The following NKAIN2 variants were observed in gnomAD, a reference collection of about 807,000 sequenced individuals.
NKAIN2 encodes sodium/potassium-transporting ATPase subunit beta-1-interacting protein 2.
In NKAIN2, 14 loss-of-function variants were observed where a neutral mutation model predicts 32.6. That is an observed-to-expected ratio of 0.43 (90% CI 0.28 to 0.67). The LOEUF (loss-of-function observed/expected upper bound fraction) is 0.67. Ranked by LOEUF, NKAIN2 falls within the 30% of genes least tolerant of loss-of-function variation. NKAIN2 has a pLI of 0.17. For synonymous variants in NKAIN2, 80 were observed against 87.2 expected, an observed-to-expected ratio of 0.92 and a Z score of 0.46; for missense variants, 198 against 258.3, an observed-to-expected ratio of 0.77 and a Z score of 1.60.
intron 1 of NKAIN2, among the ~76,000 whole-genome samples, chr6:123,845,505 T>C (rs192317520): frequency 6.6e-6 from 1 of 152,360 alleles, no homozygotes; most frequent in Non-Finnish European, 1.5e-5. Context: ...TTTGGGTTTC[T>C]CTTCACCTTT....
intron 4 of NKAIN2, among the ~76,000 whole-genome samples, chr6:124,701,024 T>C (rs976493970): frequency 2.6e-5 from 4 of 151,840 alleles, no homozygotes; most frequent in Non-Finnish European, 5.9e-5. Context: ...GGAGACTAAG[T>C]TCTGTAACAC....
At chr6:123,923,682 A>G (rs942446048) in intron 1 of NKAIN2, among the ~76,000 whole-genome samples, 1 of 150,954 alleles carries the variant, frequency 6.6e-6, no homozygotes, top group East Asian at 2.0e-4. Flanking sequence ...TCAGTAAACT[A>G]TCGCAAGAAC....
chr6:124,100,820 A>G (rs983996552), intron 1 of NKAIN2, among the ~76,000 whole-genome samples: 5 of 152,190 alleles, frequency 3.3e-5, no homozygotes, highest in African/African-American at 1.2e-4. Context: ...ATTATCTGGC[A>G]TATTAATAGC....
intron 4 of NKAIN2, among the ~76,000 whole-genome samples, chr6:124,734,110 A>G (rs747507490): frequency 2.7e-5 from 4 of 149,434 alleles, no homozygotes; most frequent in Non-Finnish European, 4.5e-5. Flanking sequence ...GGGGTATGTC[A>G]AAACAAAAAC....
intron 3 of NKAIN2, among the ~76,000 whole-genome samples, chr6:124,549,772 T>A: frequency 6.6e-6 from 1 of 152,298 alleles, no homozygotes; most frequent in Non-Finnish European, 1.5e-5. Flanking sequence ...TTTTCATGGC[T>A]AGACAGAGGG....
intron 4 of NKAIN2, among the ~76,000 whole-genome samples, chr6:124,759,642 CA>C (rs1562367734): frequency 8.7e-4 from 109 of 125,690 alleles, no homozygotes; most frequent in African/African-American, 2.5e-3. Flanking sequence ...CACACACACA[CA>C]CACACACACA....
At chr6:124,434,399 T>C (rs1775349369) in intron 3 of NKAIN2, among the ~76,000 whole-genome samples, 1 of 152,092 alleles carries the variant, frequency 6.6e-6, no homozygotes, top group African/African-American at 2.4e-5. Context: ...GTGGGAAGTT[T>C]AGTATTTAGT....
At chr6:124,806,702 T>C (rs1780581245) in intron 5 of NKAIN2, among the ~76,000 whole-genome samples, 1 of 151,960 alleles carries the variant, frequency 6.6e-6, no homozygotes, top group Non-Finnish European at 1.5e-5. Flanking sequence ...GCAAATTGGA[T>C]AAAGAGTCAA....
At chr6:124,809,139 G>C (rs1270118797) in intron 5 of NKAIN2, among the ~76,000 whole-genome samples, 1 of 151,992 alleles carries the variant, frequency 6.6e-6, no homozygotes, top group Non-Finnish European at 1.5e-5. Context: ...ATACTTTAAA[G>C]TTCACATGGA....
At chr6:124,802,290 A>T (rs1322850820) in intron 5 of NKAIN2, among the ~76,000 whole-genome samples, 1 of 152,186 alleles carries the variant, frequency 6.6e-6, no homozygotes, top group Non-Finnish European at 1.5e-5. Flanking sequence ...TATATTCTGG[A>T]TGTCAGCTGA....
At chr6:124,104,325 T>C (rs1785020370) in intron 1 of NKAIN2, among the ~76,000 whole-genome samples, 1 of 152,188 alleles carries the variant, frequency 6.6e-6, no homozygotes, top group African/African-American at 2.4e-5. Flanking sequence ...TTTATGTTTT[T>C]ACAGAAGAGG....
At chr6:124,478,858 G>A (rs1777336475) in intron 3 of NKAIN2, among the ~76,000 whole-genome samples, 1 of 152,018 alleles carries the variant, frequency 6.6e-6, no homozygotes, top group East Asian at 1.9e-4. Flanking sequence ...TGGAAGTGAG[G>A]GTGAAAGAGT....
chr6:124,626,723 C>A (rs1783364101), intron 3 of NKAIN2, among the ~76,000 whole-genome samples: 1 of 152,062 alleles, frequency 6.6e-6, no homozygotes, highest in African/African-American at 2.4e-5. Flanking sequence ...ATATTCAGGG[C>A]CACCACATAC....
chr6:124,045,429 A>G (rs1247458377), intron 1 of NKAIN2, among the ~76,000 whole-genome samples: 1 of 152,020 alleles, frequency 6.6e-6, no homozygotes, highest in Non-Finnish European at 1.5e-5. Flanking sequence ...ATAGAAAGAG[A>G]TAAGAACTGG....
At chr6:124,419,681 T>C (rs552495910) in intron 3 of NKAIN2, among the ~76,000 whole-genome samples, 5 of 152,140 alleles carry the variant, frequency 3.3e-5, no homozygotes, top group Non-Finnish European at 4.4e-5. Flanking sequence ...AGACATAAGA[T>C]AATATTTTAT....
intron 1 of NKAIN2, among the ~76,000 whole-genome samples, chr6:124,260,185 A>G (rs1373877170): frequency 2.0e-5 from 3 of 152,202 alleles, no homozygotes; most frequent in African/African-American, 7.2e-5. Flanking sequence ...ATAAAATGTC[A>G]AGAACCATTC....
rs866852519 is a variant in NKAIN2 at position 124,804,968 on chromosome 6, C to A, written c.536-13419C>A. ...GGGCGCCCGCCATTGCCCAGGCTTG[C>A]TTAGGTAAACAAAGCAGCCGGGAAG... On this transcript the variant is annotated intron_variant, in intron 5 of 6. Transcript: ENST00000368417. 1.1e-3 allele frequency among the ~76,000 whole-genome samples: 166 copies of A among 152,310 alleles called. 1 individual carries two copies. Among genetic ancestry groups the A allele is most frequent in the Middle Eastern group, 6.8e-3 (2 of 294 alleles).
At chr6:124,300,466 A>G (rs1796248169) in intron 2 of NKAIN2, among the ~76,000 whole-genome samples, 1 of 152,174 alleles carries the variant, frequency 6.6e-6, no homozygotes, top group Admixed American at 6.5e-5. Context: ...CAATAGACTA[A>G]TATAGTAAAT....
chr6:123,984,436 T>C (rs979518253), intron 1 of NKAIN2, among the ~76,000 whole-genome samples: 1 of 152,178 alleles, frequency 6.6e-6, no homozygotes, highest in Admixed American at 6.5e-5. Context: ...TTCTAAAATG[T>C]AGCACTGACC....
Sources: gnomAD v4.1 joint callset for allele counts (sites outside exome capture counted in the v4.1 genomes callset) on GRCh38, gnomAD v4.1.1 for gene constraint, MANE v1.5 for transcripts, NCBI Gene and HGNC (gene_info 2026-07-23, HGNC 2026-07-21) for gene names.